The following NEB variants were observed in gnomAD, a reference collection of about 807,000 sequenced individuals.
NEB encodes the protein nebulin.
Under a neutral mutation model 952.2 loss-of-function variants are expected in NEB, and 512 were observed. That is an observed-to-expected ratio of 0.54 (90% confidence interval 0.50 to 0.58). The LOEUF (loss-of-function observed/expected upper bound fraction) is 0.58. Ranked by LOEUF, NEB falls within the 20% of genes least tolerant of loss-of-function variation. The pLI is 0.00. For missense variants in NEB, 8,428 were observed against 9,231.1 expected, an observed-to-expected ratio of 0.91 and a Z score of 3.56; for synonymous variants, 2,900 against 3,149.8, an observed-to-expected ratio of 0.92 and a Z score of 2.66.
intron 13 of NEB, among the ~76,000 whole-genome samples, chr2:151,702,326 A>G (rs1439814367): frequency 1.3e-5 from 2 of 152,150 alleles, no homozygotes; most frequent in Non-Finnish European, 2.9e-5. Flanking sequence ...GTGGTGCTGA[A>G]AAAAATGTAT....
At chr2:151,575,325 A>C (rs907926029) in intron 107 of NEB, among the ~76,000 whole-genome samples, 2 of 152,164 alleles carry the variant, frequency 1.3e-5, no homozygotes, top group African/African-American at 4.8e-5. Flanking sequence ...TCCATGTTTT[A>C]AAATTAATTC....
At chr2:151,682,522 G>T in intron 29 of NEB, 140 bp downstream of exon 29, 1 of 662,920 alleles carries the variant, frequency 1.5e-6, no homozygotes, top group Non-Finnish European at 2.6e-6. Flanking sequence ...GGTCTCCCTG[G>T]GTAATTTGTG....
At chr2:151,627,439 G>A in intron 69 of NEB, 84 bp downstream of exon 69, 1 of 1,544,294 alleles carries the variant, frequency 6.5e-7, no homozygotes, top group East Asian at 2.3e-5. Flanking sequence ...CCTTCTGAAG[G>A]TTCTACCTAA....
intron 181 of NEB, among the ~76,000 whole-genome samples, chr2:151,489,133 T>C (rs1299182929): frequency 1.3e-5 from 2 of 152,202 alleles, no homozygotes; most frequent in African/African-American, 4.8e-5. Context: ...CAGTATTCCC[T>C]TCCTTAAATA....
chr2:151,595,172 C>T (rs1389771955), intron 92 of NEB, among the ~76,000 whole-genome samples: 2 of 140,908 alleles, frequency 1.4e-5, no homozygotes, highest in African/African-American at 5.7e-5. Context: ...CAGAGAAGAA[C>T]GCAGAGAAAG....
rs762129201 is a variant in NEB, at chr2:151,695,569, G to A, written c.1674+9C>T. ...GTACATCACATGGTACAGGGCATAAGGAACTTACATCACTCAAGTTATAGG... is the reference window on the plus strand; with the variant it reads ...GTACATCACATGGTACAGGGCATAAAGAACTTACATCACTCAAGTTATAGG... On this transcript the variant is annotated intron_variant, in intron 18 of 181. Coordinates refer to ENST00000397345, the MANE Select transcript of NEB (RefSeq NM_001164508.2). The A allele has an allele frequency of 1.2e-6, 2 of 1,604,448 alleles. No homozygotes were observed. Among genetic ancestry groups the A allele is most frequent in the East Asian group, 4.5e-5 (2 of 44,806 alleles).
At position 151,561,236 on chromosome 2, in the gene NEB, G is replaced by T. The variant is rs183418509; in HGVS notation, c.19073C>A (p.Ala6358Asp). The T allele has an allele frequency of 6.2e-7, 1 of 1,608,676 alleles. No homozygotes were observed. Among genetic ancestry groups the T allele is most frequent in the Admixed American group, 1.7e-5 (1 of 59,296 alleles). The change falls in exon 122 of 182, where the codon GCT (alanine) becomes GAT (aspartate). Residue 6358 changes from alanine (A) to aspartate (D), a missense_variant. Physicochemically the swap from Ala to Asp is moderately radical, Grantham distance 126 (BLOSUM62 -2). Transcript: ENST00000397345. ...ACTGGCATTAATGCCACTCTGAACA[G>T]CAGTCACATAGAGGGGCGTGTCTGT... ...LVTDTPLYVTAVQSGINASEV... is the reference protein window; with the variant it reads ...LVTDTPLYVTDVQSGINASEV...
At chr2:151,542,831 T>C (rs999315429) in intron 135 of NEB, among the ~76,000 whole-genome samples, 6 of 152,256 alleles carry the variant, frequency 3.9e-5, no homozygotes, top group Non-Finnish European at 5.9e-5. Flanking sequence ...TGATTTTTCA[T>C]AAAGTCCAAG....
chr2:151,650,702 C>T lies in NEB; in HGVS notation c.7099G>A (p.Val2367Ile), dbSNP rs752963578. The change falls in exon 53 of 182, where the codon GTA becomes ATA. Residue 2367 changes from valine to isoleucine, a missense_variant. Transcript: ENST00000397345. ...AACTCCTGACACTTCTTGGCCAGTA[C>T]CACTCCCAACATGTCCACTGGGCTG... Reference protein sequence around the residue: ...FSSPVDMLGVVLAKKCQELVS... With the variant: ...FSSPVDMLGVILAKKCQELVS... 4.6e-5 allele frequency: 74 copies of T among 1,613,788 alleles called. No individual in the cohort carries two copies. Among genetic ancestry groups the T allele is most frequent in the Non-Finnish European group, 6.3e-5 (74 of 1,179,856 alleles).
At chr2:151,611,567 A>G (rs966352327) in intron 78 of NEB, among the ~76,000 whole-genome samples, 2 of 152,228 alleles carry the variant, frequency 1.3e-5, no homozygotes, top group African/African-American at 2.4e-5. Flanking sequence ...CAGGTGTGGG[A>G]GAATTCAAGT....
rs994987584 is a variant in NEB, at chr2:151,677,557, G to T, written c.3774+8C>A. ...TATCCTCTGTCCTCTCTATTTTATT[G>T]TACTCACATCACTGACTTGCTTCGT... On this transcript the variant is annotated splice_region_variant and intron_variant, in intron 34 of 181. Coordinates refer to ENST00000397345, the MANE Select transcript of NEB (RefSeq NM_001164508.2). 1.2e-6 allele frequency: 2 copies of T among 1,607,546 alleles called. No individual in the cohort carries two copies. The highest frequency in any genetic ancestry group is 1.7e-6 in the Non-Finnish European group (2 of 1,175,074).
At position 151,688,294 on chromosome 2, in the gene NEB, C is replaced by T. The variant is rs2099518924; in HGVS notation, c.2413G>A (p.Asp805Asn). The change falls in exon 25 of 182, where the codon GAT becomes AAT. Residue 805 changes from aspartate to asparagine, a missense_variant and splice_region_variant. Around this residue, in one of 11 missense-constraint regions of NEB, gnomAD observed 2,851 missense variants for 2,791.5 expected, o/e 1.02. Transcript: ENST00000397345. The stretch of plus-strand genomic sequence containing the variant: ...GCTTCTGTGGCTTTGGTACTTACAT[C>T]ACTCAGATTATAGGCATTGACTCTG... ...QHRVNAYNLS[D>N]NVYKQDWEKS... 14 of 1,607,590 alleles carry T rather than the reference C, an allele frequency of 8.7e-6. No individual in the cohort carries two copies. The highest frequency in any genetic ancestry group is 1.2e-5 in the Non-Finnish European group (14 of 1,174,256).
intron 150 of NEB, among the ~76,000 whole-genome samples, chr2:151,525,688 A>G (rs917250291): frequency 2.0e-5 from 3 of 152,158 alleles, no homozygotes; most frequent in African/African-American, 4.8e-5. Context: ...CTAATCAACA[A>G]TGTTTCCTTC....
rs781556678 is a variant in NEB at position 151,674,515 on chromosome 2, T to C, written c.3949A>G (p.Ile1317Val). The C allele has an allele frequency of 1.2e-6, 2 of 1,614,038 alleles. No individual in the cohort carries two copies. The highest frequency in any genetic ancestry group is 8.5e-7 in the Non-Finnish European group (1 of 1,179,880). ...TTTCTCGATGCCTTGGCTGCAGTGA[T>C]GGGAATAGCATCGCCCAGCACATTG... ...GNNVLGDAIPITAAKASRNIA... is the reference protein window; with the variant it reads ...GNNVLGDAIPVTAAKASRNIA... Residue 1317 changes from isoleucine to valine, a missense_variant, in exon 36 of 182, where the codon ATC becomes GTC. Ile to Val is a conservative substitution (Grantham distance 29, BLOSUM62 3). This residue lies in a region of NEB where 2,851 missense variants were observed against 2,791.5 expected (regional missense o/e 1.02). Coordinates refer to ENST00000397345, the MANE Select transcript of NEB (RefSeq NM_001164508.2).
intron 40 of NEB, 148 bp from the exon 41 acceptor site, chr2:151,666,549 G>A (rs1432407793): frequency 2.7e-6 from 2 of 731,054 alleles, no homozygotes; most frequent in Non-Finnish European, 4.4e-6. Context: ...TAAACAATTA[G>A]CAAAATATTT....
At chr2:151,723,558 C>T (rs1184124789) in intron 8 of NEB, 72 bp from the exon 9 acceptor site, 5 of 1,114,496 alleles carry the variant, frequency 4.5e-6, no homozygotes, top group Admixed American at 4.0e-5. Context: ...GTTTTGAATT[C>T]ATCCATTAAT....
intron 20 of NEB, 133 bp from the exon 21 acceptor site, chr2:151,692,495 A>G: frequency 1.4e-6 from 1 of 727,272 alleles, no homozygotes. Context: ...TTTTCCACAA[A>G]GCAGAAAAGC....
chr2:151,573,706 C>T (rs56319152), intron 107 of NEB, among the ~76,000 whole-genome samples: 3,655 of 152,236 alleles, frequency 0.024, 71 homozygotes, highest in Non-Finnish European at 0.036. Flanking sequence ...CAAGCCTTGG[C>T]AAATTGCACT....
Position 151,485,691 on chromosome 2 carries a change from A to G in NEB, c.*69T>C. The G allele has an allele frequency of 7.0e-7, 1 of 1,433,432 alleles. No individual in the cohort carries two copies. Among genetic ancestry groups the G allele is most frequent in the Non-Finnish European group, 9.4e-7 (1 of 1,061,600 alleles). The allele number at this position is 1,433,432 out of a possible 1,614,324, so 88.8% of individuals were successfully genotyped here. ...AGCTTGAGAACTTAGGTAACAGTGG[A>G]GAGTCTAAACCGAAACATTGACTGC... On this transcript the variant is annotated 3_prime_UTR_variant, in exon 182 of 182. Coordinates refer to ENST00000397345, the MANE Select transcript of NEB (RefSeq NM_001164508.2).
Sources: gnomAD v4.1 joint callset for allele counts (sites outside exome capture counted in the v4.1 genomes callset) on GRCh38, gnomAD v4.1.1 for gene constraint, gnomAD v4.1.1 regional missense constraint, MANE v1.5 for transcripts, NCBI Gene and HGNC (gene_info 2026-07-23, HGNC 2026-07-21) for gene names.